Variants in ELMOD3 observed in about 807,000 individuals in gnomAD.
The protein encoded by ELMOD3 is ELMO domain containing 3.
A neutral mutation model predicts 47.4 loss-of-function variants in ELMOD3; 36 were observed. That is an observed-to-expected ratio of 0.76 (90% CI 0.58 to 1.00). The LOEUF is 1.00. Among genes scored for constraint, ELMOD3 ranks in the 50% least tolerant of loss-of-function variants. The probability of loss-of-function intolerance (pLI) is 0.00; values close to 1 mark genes in which losing one functional copy is unlikely to be tolerated. For missense variants in ELMOD3, 404 were observed against 463.8 expected (o/e 0.87, Z 1.18); for synonymous variants, 149 against 183.5 (o/e 0.81, Z 1.52).
chr2:85,388,018 C>G (rs879588914), intron 11 of ELMOD3, among the ~76,000 whole-genome samples: 6 of 152,154 alleles, frequency 3.9e-5, no homozygotes, highest in Admixed American at 6.5e-5. Flanking sequence ...ATTAGAGGTA[C>G]CCAGTACTCA....
chr2:85,384,681 G>A (rs1685808190), intron 11 of ELMOD3, among the ~76,000 whole-genome samples: 1 of 152,134 alleles, frequency 6.6e-6, no homozygotes, highest in Non-Finnish European at 1.5e-5. Flanking sequence ...TACCTCCCAG[G>A]CTCAAGCAAT....
At chr2:85,368,620 G>A in intron 6 of ELMOD3, 66 bp from the exon 7 acceptor site, 1 of 1,525,482 alleles carries the variant, frequency 6.6e-7, no homozygotes, top group Non-Finnish European at 9.1e-7. Context: ...GACAAGGCTG[G>A]GGTCTGCAGT....
intron 11 of ELMOD3, 148 bp downstream of exon 11, chr2:85,377,622 C>T (rs960560381): frequency 1.3e-6 from 1 of 742,470 alleles, no homozygotes; most frequent in Non-Finnish European, 2.0e-6. Flanking sequence ...CTGTACCGCT[C>T]ATTAGCTGTG....
chr2:85,354,962 A>G (rs2104449492), intron 1 of ELMOD3, 114 bp from the exon 2 acceptor site: 1 of 159,642 alleles, frequency 6.3e-6, no homozygotes, highest in African/African-American at 2.4e-5. Context: ...CGAGAGTTGT[A>G]AGACTGAAAG....
intron 4 of ELMOD3, chr2:85,357,546 A>G (rs1414264350): frequency 4.0e-6 from 1 of 247,322 alleles, no homozygotes; most frequent in African/African-American, 2.3e-5. Context: ...TTACCTTACT[A>G]GCCTCTTCCC....
At chr2:85,370,360 G>T (rs1311913526) in intron 8 of ELMOD3, among the ~76,000 whole-genome samples, 2 of 151,018 alleles carry the variant, frequency 1.3e-5, no homozygotes, top group African/African-American at 2.4e-5. Context: ...GAACCCAGGA[G>T]TTCAAGGCTG....
intron 4 of ELMOD3, 103 bp from the exon 5 acceptor site, chr2:85,362,083 C>T (rs1248752962): frequency 1.3e-6 from 1 of 744,684 alleles, no homozygotes; most frequent in Non-Finnish European, 2.3e-6. Flanking sequence ...TGCACATGTA[C>T]CCCTGAACTT....
At chr2:85,390,573 G>A in intron 13 of ELMOD3, 187 bp from the exon 14 acceptor site, 1 of 1,549,832 alleles carries the variant, frequency 6.5e-7, no homozygotes, top group Admixed American at 1.9e-5. Flanking sequence ...AGAGTGTGTG[G>A]TCCCTGTGGC....
At chr2:85,373,170 G>A (rs907517194) in intron 10 of ELMOD3, among the ~76,000 whole-genome samples, 33 of 151,632 alleles carry the variant, frequency 2.2e-4, no homozygotes, top group African/African-American at 7.5e-4. Flanking sequence ...CAGGAGAATC[G>A]CTTGAACCCA....
intron 6 of ELMOD3, among the ~76,000 whole-genome samples, chr2:85,366,392 A>G (rs1004552218): frequency 1.1e-4 from 17 of 152,190 alleles, no homozygotes; most frequent in Admixed American, 1.1e-3. Context: ...AGGAACTCCA[A>G]GGCTCAGTGT....
At chr2:85,370,433 A>C (rs1300090171) in intron 8 of ELMOD3, among the ~76,000 whole-genome samples, 1 of 151,892 alleles carries the variant, frequency 6.6e-6, no homozygotes, top group Non-Finnish European at 1.5e-5. Flanking sequence ...AAAAAAAAAA[A>C]AGCTGGGGAG....
rs1003213096 is a variant in ELMOD3, at chr2:85,362,945, A to G, written c.130-152A>G. On this transcript the variant is annotated intron_variant, in intron 5 of 13. Transcript: ENST00000409013. ...AAAATAAATAAATAAAAAGTAAAAG[A>G]AAATAAAACTGACTTCAGTCAACCC... The G allele has an allele frequency of 1.5e-5, 8 of 533,682 alleles. No homozygotes were observed. In the African/African-American group the frequency reaches 1.6e-4, roughly 10 times the overall value. 33.1% of individuals were successfully genotyped at this position (533,682 alleles called of 1,614,324 possible).
chr2:85,361,657 C>T (rs1221092936), intron 4 of ELMOD3, among the ~76,000 whole-genome samples: 5 of 152,148 alleles, frequency 3.3e-5, no homozygotes, highest in South Asian at 2.1e-4. Flanking sequence ...TGGCCGGGCC[C>T]GGTGGCTCAC....
chr2:85,372,518 T>G (rs1379372058), intron 10 of ELMOD3: 1 of 152,206 alleles, frequency 6.6e-6, no homozygotes, highest in African/African-American at 2.4e-5. Flanking sequence ...TATGAAAATT[T>G]TATCATATAT....
chr2:85,370,523 G>A (rs1684720327), intron 8 of ELMOD3, among the ~76,000 whole-genome samples: 1 of 152,120 alleles, frequency 6.6e-6, no homozygotes, highest in Admixed American at 6.6e-5. Flanking sequence ...GCTCAGGGGA[G>A]AGAGGCTAAA....
chr2:85,383,430 TA>T (rs1188208340), intron 11 of ELMOD3, among the ~76,000 whole-genome samples: 1 of 151,804 alleles, frequency 6.6e-6, no homozygotes, highest in African/African-American at 2.4e-5. Flanking sequence ...TTTCAAAAAA[TA>T]AAAATAAAAT....
chr2:85,361,746 G>C (rs1442304398), intron 4 of ELMOD3, among the ~76,000 whole-genome samples: 1 of 151,980 alleles, frequency 6.6e-6, no homozygotes, highest in Non-Finnish European at 1.5e-5. Context: ...TGGCTAACAC[G>C]GTGAAACCCC....
intron 4 of ELMOD3, among the ~76,000 whole-genome samples, chr2:85,359,840 G>A (rs533550781): frequency 3.3e-5 from 5 of 152,146 alleles, no homozygotes; most frequent in Non-Finnish European, 5.9e-5. Flanking sequence ...GCTCGTGTCT[G>A]TAATCCCAGC....
intron 11 of ELMOD3, among the ~76,000 whole-genome samples, chr2:85,377,966 AAGC>A (rs1450946217): frequency 2.0e-5 from 3 of 152,218 alleles, no homozygotes; most frequent in African/African-American, 7.2e-5. Flanking sequence ...TTTTTAAAAG[AAGC>A]AAAGGAAGAG....
Sources: gnomAD v4.1 joint callset for allele counts (sites outside exome capture counted in the v4.1 genomes callset) on GRCh38, gnomAD v4.1.1 for gene constraint, MANE v1.5 for transcripts, NCBI Gene and HGNC (gene_info 2026-07-23, HGNC 2026-07-21) for gene names.